Variants in BTAF1 observed in about 807,000 individuals in gnomAD.
BTAF1 encodes B-TFIID TATA-box binding protein associated factor 1.
A neutral mutation model predicts 227.1 loss-of-function variants in BTAF1; 38 were observed. That is an observed-to-expected ratio of 0.17 (90% confidence interval 0.13 to 0.22). The LOEUF (loss-of-function observed/expected upper bound fraction) is 0.22. BTAF1 is among the 10% of genes least tolerant of loss of function. The pLI is 1.00. For synonymous variants in BTAF1, 742 were observed against 751.9 expected (o/e 0.99, Z 0.21); for missense variants, 1,598 against 2,204.0 (o/e 0.73, Z 5.51).
chr10:91,924,222 G>C, intron 1 of BTAF1, 132 bp downstream of exon 1: 1 of 1,265,878 alleles, frequency 7.9e-7, no homozygotes, highest in South Asian at 1.6e-5. Context: ...AGTAGACTTC[G>C]GAGTTCGCCC....
chr10:91,966,977 C>T (rs908298996), intron 14 of BTAF1, among the ~76,000 whole-genome samples: 21 of 152,162 alleles, frequency 1.4e-4, no homozygotes, highest in African/African-American at 5.1e-4. Flanking sequence ...ATGCTTAACA[C>T]ATAGGAAGTC....
At chr10:92,024,593 TCA>T (rs2134178417) in intron 34 of BTAF1, among the ~76,000 whole-genome samples, 161 bp from the exon 35 acceptor site, 1 of 152,224 alleles carries the variant, frequency 6.6e-6, no homozygotes, top group East Asian at 1.9e-4. Flanking sequence ...AAAAACTAGT[TCA>T]GTGTGCTGCA....
At chr10:92,028,732 C>G in intron 37 of BTAF1, 58 bp from the exon 38 acceptor site, 1 of 1,478,882 alleles carries the variant, frequency 6.8e-7, no homozygotes, top group South Asian at 1.3e-5. Context: ...AAGGAAAATA[C>G]AATTTGTGAA....
Position 91,940,044 on chromosome 10 carries a change from T to C in BTAF1, c.231T>C (p.Asn77=). Residue 77 remains asparagine, a synonymous_variant, in exon 3 of 38, where the codon AAT becomes AAC. Transcript: ENST00000265990. ...EAIVKNVPEW[N]PVPRTRQEPT... is the part of the protein sequence containing the mutation. The stretch of plus-strand genomic sequence containing the variant: ...TAGTGAAAAATGTACCTGAGTGGAA[T>C]CCAGTGCCGAGAACCAGACAAGGTG... The C allele has an allele frequency of 6.2e-7, 1 of 1,611,818 alleles. No homozygotes were observed. Among genetic ancestry groups the C allele is most frequent in the Non-Finnish European group, 8.5e-7 (1 of 1,178,464 alleles).
At chr10:91,942,726 A>G (rs2133821317) in intron 4 of BTAF1, among the ~76,000 whole-genome samples, 158 bp downstream of exon 4, 1 of 152,242 alleles carries the variant, frequency 6.6e-6, no homozygotes, top group South Asian at 2.1e-4. Flanking sequence ...ATGGGAGGTA[A>G]CCCAGCAGTA....
intron 15 of BTAF1, among the ~76,000 whole-genome samples, chr10:91,980,919 G>A (rs1462912152): frequency 6.6e-6 from 1 of 152,108 alleles, no homozygotes; most frequent in Non-Finnish European, 1.5e-5. Flanking sequence ...GTAATATAGA[G>A]TCTAATTATT....
In BTAF1 at chr10:92,029,095, T is replaced by C. The variant is rs1851726818; in HGVS notation, c.*162T>C. 4.8e-5 allele frequency: 28 copies of C among 585,194 alleles called. No individual in the cohort carries two copies. In the South Asian group the frequency reaches 8.5e-4, roughly 18 times the overall value. The allele number at this position is 585,194 out of a possible 1,614,324, so 36.3% of individuals were successfully genotyped here. ...TTGTTTCACTGGGGGAAACAAGTTA[T>C]TCTCAAATATTTGCACTGTATTAAA... is the stretch of plus-strand genomic sequence containing the variant. On this transcript the variant is annotated 3_prime_UTR_variant, in exon 38 of 38. Coordinates refer to ENST00000265990, the MANE Select transcript of BTAF1 (RefSeq NM_003972.3).
Position 91,924,035 on chromosome 10 carries a change from G to T in BTAF1, c.-42G>T. 6.3e-7 allele frequency: 1 copy of T among 1,599,560 alleles called. No individual in the cohort carries two copies. Among genetic ancestry groups the T allele is most frequent in the South Asian group, 1.1e-5 (1 of 88,512 alleles). ...TGGAAACTAGCGCCTCAGCTGCGCG[G>T]CGCGTAGGTCGCGGGGAGCTCCGAA... On this transcript the variant is annotated 5_prime_UTR_variant, in exon 1 of 38. Transcript: ENST00000265990.
chr10:92,003,448 C>T (rs1564710215), intron 25 of BTAF1, among the ~76,000 whole-genome samples: 1 of 152,190 alleles, frequency 6.6e-6, no homozygotes, highest in Non-Finnish European at 1.5e-5. Flanking sequence ...CTATTCTACT[C>T]TGCTTCCATG....
intron 12 of BTAF1, 117 bp from the exon 13 acceptor site, chr10:91,963,960 A>G (rs998764249): frequency 1.8e-6 from 2 of 1,122,502 alleles, no homozygotes; most frequent in Admixed American, 2.2e-5. Context: ...ACACCGTCCA[A>G]GGTCATTGGA....
At chr10:92,007,210 CTTTTTTT>C (rs969389265) in intron 25 of BTAF1, among the ~76,000 whole-genome samples, 72 of 61,272 alleles carry the variant, frequency 1.2e-3, no homozygotes, top group African/African-American at 2.4e-3. Context: ...TATTTTTTGT[CTTTTTTT>C]TTTTTTTTTT....
At chr10:91,951,591 A>T (rs1460398853) in intron 5 of BTAF1, 25 bp downstream of exon 5, 3 of 1,560,720 alleles carry the variant, frequency 1.9e-6, no homozygotes, top group Non-Finnish European at 2.6e-6. Flanking sequence ...TGGTTATTTG[A>T]TTGCAAGTAA....
At chr10:91,932,431 T>C (rs1039202829) in intron 1 of BTAF1, among the ~76,000 whole-genome samples, 1 of 152,216 alleles carries the variant, frequency 6.6e-6, no homozygotes, top group African/African-American at 2.4e-5. Flanking sequence ...ATAAAATATT[T>C]TTTCTTTCCT....
chr10:91,959,740 GTATATATA>G (rs200052275), intron 9 of BTAF1, 37 bp from the exon 10 acceptor site: 62,537 of 223,830 alleles, frequency 0.28, 6,232 homozygotes, highest in Middle Eastern at 0.32. Context: ...GTGTGTGTGT[GTATATATA>G]TATATATATA....
intron 1 of BTAF1, among the ~76,000 whole-genome samples, chr10:91,929,182 G>A (rs1844092443): frequency 6.6e-6 from 1 of 152,136 alleles, no homozygotes; most frequent in African/African-American, 2.4e-5. Flanking sequence ...TTTTTAAACA[G>A]CTTGTTTTTG....
intron 32 of BTAF1, 132 bp from the exon 33 acceptor site, chr10:92,016,208 A>C: frequency 9.8e-7 from 1 of 1,018,330 alleles, no homozygotes; most frequent in Non-Finnish European, 1.4e-6. Flanking sequence ...AGTGAATTAG[A>C]GATATCACAA....
intron 34 of BTAF1, among the ~76,000 whole-genome samples, chr10:92,024,054 G>A (rs181568333): frequency 1.4e-4 from 21 of 152,250 alleles, no homozygotes; most frequent in East Asian, 1.9e-4. Context: ...GATTTTATTC[G>A]CTCATTTATT....
chr10:91,960,775 T>C (rs1374260974), intron 11 of BTAF1, among the ~76,000 whole-genome samples: 1 of 152,182 alleles, frequency 6.6e-6, no homozygotes, highest in Non-Finnish European at 1.5e-5. Flanking sequence ...CAGTGTTTAG[T>C]GTAATGTTAT....
intron 19 of BTAF1, among the ~76,000 whole-genome samples, chr10:91,986,775 C>T (rs1187590412): frequency 6.6e-6 from 1 of 152,084 alleles, no homozygotes; most frequent in Non-Finnish European, 1.5e-5. Flanking sequence ...AGATCTTTTA[C>T]TCTTCAGTTG....
Sources: allele counts gnomAD v4.1 joint callset (sites outside exome capture counted in the v4.1 genomes callset), GRCh38; gene constraint gnomAD v4.1.1; transcripts MANE v1.5; gene names NCBI Gene and HGNC (gene_info 2026-07-23, HGNC 2026-07-21).